Variants in TDRD1 observed in about 807,000 individuals in gnomAD.
TDRD1 encodes the protein tudor domain containing 1.
A neutral mutation model predicts 140.6 loss-of-function variants in TDRD1; 37 were observed. That is an observed-to-expected ratio of 0.26 (90% CI 0.20 to 0.35). The LOEUF (loss-of-function observed/expected upper bound fraction) is 0.35, where lower values mean the gene tolerates loss of function less well. Ranked by LOEUF, TDRD1 falls within the 10% of genes least tolerant of loss-of-function variation. The pLI is 1.00. For missense variants in TDRD1, 1,243 were observed against 1,393.0 expected (o/e 0.89, Z 1.71); for synonymous variants, 506 against 475.7 (o/e 1.06, Z -0.83).
chr10:114,211,329 G>A (rs955807925), intron 13 of TDRD1, among the ~76,000 whole-genome samples: 1 of 152,198 alleles, frequency 6.6e-6, no homozygotes, highest in African/African-American at 2.4e-5. Context: ...TATTGAAATA[G>A]CAAGAGGGCC....
Position 114,210,842 on chromosome 10 carries a change from T to C in TDRD1, c.1553-18T>C. 6.2e-7 allele frequency: 1 copy of C among 1,613,906 alleles called. No homozygotes were observed. Among genetic ancestry groups the C allele is most frequent in the Non-Finnish European group, 8.5e-7 (1 of 1,179,842 alleles). ...TGTATAGATACGTATTTCTTTAAGA[T>C]GTGATCTTTATCTGCAGGAAAGCTT... is the stretch of plus-strand genomic sequence containing the variant. On this transcript the variant is annotated intron_variant, in intron 12 of 25. Coordinates refer to ENST00000251864, the Ensembl canonical transcript of TDRD1.
At chr10:114,175,441 A>G (rs2032672335), upstream of TDRD1, among the ~76,000 whole-genome samples, 1 of 152,218 alleles carries the variant, frequency 6.6e-6, no homozygotes, top group South Asian at 2.1e-4. Flanking sequence ...CCTATATTTG[A>G]ATTTACAAAT....
intron 1 of TDRD1, among the ~76,000 whole-genome samples, chr10:114,183,919 A>C (rs895727207): frequency 2.6e-5 from 4 of 151,968 alleles, no homozygotes; most frequent in African/African-American, 9.7e-5. Flanking sequence ...CTTTTTTGCT[A>C]TTTTGAACGG....
intron 14 of TDRD1, among the ~76,000 whole-genome samples, chr10:114,213,137 C>T (rs78559282): frequency 0.011 from 1,602 of 152,224 alleles, 20 homozygotes; most frequent in African/African-American, 0.037. Context: ...AAATCGGCCT[C>T]GGCCTCCCGG....
chr10:114,188,059 T>C, exon 2 of TDRD1: 2 of 1,614,162 alleles, frequency 1.2e-6, no homozygotes, highest in Admixed American at 1.7e-5. Flanking sequence ...CCAAACAATA[T>C]TTGGCTAGTC....
intron 16 of TDRD1, among the ~76,000 whole-genome samples, chr10:114,216,759 G>C (rs2035838194): frequency 1.3e-5 from 2 of 152,196 alleles, no homozygotes; most frequent in African/African-American, 4.8e-5. Flanking sequence ...GCAGCAGAGT[G>C]TATCATTGTC....
At chr10:114,177,451 C>G (rs1388148295), upstream of TDRD1, among the ~76,000 whole-genome samples, 1 of 152,152 alleles carries the variant, frequency 6.6e-6, no homozygotes, top group African/African-American at 2.4e-5. Context: ...TAACCCGTAA[C>G]TCCTTTCCTA....
At chr10:114,198,305 C>G (rs1312662175) in intron 3 of TDRD1, among the ~76,000 whole-genome samples, 1 of 152,168 alleles carries the variant, frequency 6.6e-6, no homozygotes, top group African/African-American at 2.4e-5. Context: ...TTTTCTGACA[C>G]CACCTTGGTC....
At chr10:114,199,079 T>C in intron 3 of TDRD1, 94 bp from the exon 4 acceptor site, 1 of 1,342,434 alleles carries the variant, frequency 7.4e-7, no homozygotes, top group Non-Finnish European at 1.0e-6. Context: ...GAAAAGTACA[T>C]CTACTTGATC....
chr10:114,193,419 A>G (rs1324358897), intron 3 of TDRD1, among the ~76,000 whole-genome samples: 1 of 151,124 alleles, frequency 6.6e-6, no homozygotes, highest in Non-Finnish European at 1.5e-5. Context: ...CAGCCTCCCA[A>G]GTAGCTGTGA....
chr10:114,184,952 T>C (rs1013795966), intron 1 of TDRD1, among the ~76,000 whole-genome samples: 2 of 152,138 alleles, frequency 1.3e-5, no homozygotes, highest in African/African-American at 4.8e-5. Flanking sequence ...CAGTCCAGCA[T>C]ATACTCAGTG....
intron 3 of TDRD1, among the ~76,000 whole-genome samples, chr10:114,195,549 T>A (rs75458984): frequency 4.6e-5 from 7 of 152,224 alleles, no homozygotes; most frequent in Non-Finnish European, 8.8e-5. Flanking sequence ...TTTGTCATCA[T>A]AATGTCCCTC....
At chr10:114,180,577 A>C (rs2032968678) in intron 1 of TDRD1, among the ~76,000 whole-genome samples, 1 of 152,106 alleles carries the variant, frequency 6.6e-6, no homozygotes, top group South Asian at 2.1e-4. Context: ...GCGATTCTCC[A>C]GCCTCAGCCT....
intron 1 of TDRD1, among the ~76,000 whole-genome samples, chr10:114,181,191 C>G (rs1393530089): frequency 4.6e-5 from 7 of 152,190 alleles, no homozygotes; most frequent in Non-Finnish European, 1.0e-4. Flanking sequence ...ATGAGGTACT[C>G]TTTAACGTAG....
In TDRD1 at chr10:114,199,281, C is replaced by G. The variant is rs570139593; in HGVS notation, c.493C>G (p.Leu165Val). 56 of 1,613,464 alleles carry G rather than the reference C, an allele frequency of 3.5e-5. No homozygotes were observed. In the South Asian group the frequency reaches 5.9e-4, roughly 17 times the overall value. The change falls in exon 4 of 26, where the codon CTT becomes GTT. Residue 165 changes from leucine (L) to valine (V), a missense_variant. Leu to Val is a conservative substitution (Grantham distance 32). Around this residue, in one of 5 missense-constraint regions of TDRD1, gnomAD observed 237 missense variants for 215.5 expected, o/e 1.10. Coordinates refer to ENST00000251864, the Ensembl canonical transcript of TDRD1. ...GCTCTTCACCTCCTTAGGACCTCCTCTTCGGTCCACAACTTGCCATCGCTG... is the reference window on the plus strand; with the variant it reads ...GCTCTTCACCTCCTTAGGACCTCCTGTTCGGTCCACAACTTGCCATCGCTG...
chr10:114,226,320 T>C, intron 22 of TDRD1, 104 bp downstream of exon 22: 1 of 698,814 alleles, frequency 1.4e-6, no homozygotes, highest in South Asian at 2.0e-5. Flanking sequence ...TTCCAGTAAC[T>C]GCCTTAATGT....
chr10:114,203,394 G>A, exon 8 of TDRD1: 1 of 1,595,596 alleles, frequency 6.3e-7, no homozygotes, highest in Non-Finnish European at 8.5e-7. Flanking sequence ...AAAGGGTACG[G>A]TTACCGAATT....
At chr10:114,230,491 A>C (rs1290909010) in intron 25 of TDRD1, among the ~76,000 whole-genome samples, 8 of 152,216 alleles carry the variant, frequency 5.3e-5, no homozygotes, top group African/African-American at 1.9e-4. Flanking sequence ...TTTTACAGTT[A>C]AGGAAGCTGA....
intron 14 of TDRD1, among the ~76,000 whole-genome samples, chr10:114,212,751 A>G (rs568229693): frequency 6.6e-6 from 1 of 152,066 alleles, no homozygotes; most frequent in Non-Finnish European, 1.5e-5. Context: ...ATTGTTTTAT[A>G]CTTTTGTTTA....
Sources: allele counts gnomAD v4.1 joint callset (sites outside exome capture counted in the v4.1 genomes callset), GRCh38; gene constraint gnomAD v4.1.1; regional missense constraint gnomAD v4.1.1; transcripts MANE v1.5; gene names NCBI Gene and HGNC (gene_info 2026-07-23, HGNC 2026-07-21).